LAD1: variants seen among roughly 807,000 people sequenced by gnomAD.
LAD1 encodes ladinin-1.
Under a neutral mutation model 54.2 loss-of-function variants are expected in LAD1, and 53 were observed. The ratio of observed to expected loss-of-function variants is 0.98; its 90% confidence interval spans 0.78 to 1.23. LAD1 has a LOEUF of 1.23. LAD1 is among the 50% of genes most tolerant of loss of function. The pLI is 0.00. For missense variants in LAD1, 637 were observed against 653.3 expected, an observed-to-expected ratio of 0.98 and a Z score of 0.27; for synonymous variants, 231 against 257.7, an observed-to-expected ratio of 0.90 and a Z score of 0.99.
intron 1 of LAD1, among the ~76,000 whole-genome samples, chr1:201,389,973 GCAGTGGCACAAT>G (rs1207934033): frequency 6.6e-6 from 1 of 151,930 alleles, no homozygotes; most frequent in Non-Finnish European, 1.5e-5. Flanking sequence ...AGATTGGAGT[GCAGTGGCACAAT>G]CACAGCTCAC....
chr1:201,396,541 TAGAC>T (rs1162049634), intron 1 of LAD1, among the ~76,000 whole-genome samples: 1 of 152,142 alleles, frequency 6.6e-6, no homozygotes, highest in African/African-American at 2.4e-5. Context: ...AATTGAATCA[TAGAC>T]AGAAGCCCAT....
Position 201,384,837 on chromosome 1 carries a change from T to C in LAD1, c.1132-2A>G, listed in dbSNP as rs1388723117. ...CGAGTTTTCTTTCTTGGGTTTCATC[T>C]GAAATGAGAAGGAAAGGCATTGTTG... On this transcript the variant is annotated splice_acceptor_variant, in intron 4 of 9. Transcript: ENST00000391967. LOFTEE classifies it high-confidence loss of function. 6.2e-7 allele frequency: 1 copy of C among 1,613,950 alleles called. No homozygotes were observed. The highest frequency in any genetic ancestry group is 2.2e-5 in the East Asian group (1 of 44,882).
In LAD1 at chr1:201,382,737, C is replaced by G. The variant is rs769957411; in HGVS notation, c.1389G>C (p.Glu463Asp). ...TCACAACCCCTGAGAGCCTCAAGTT[C>G]TCCTAAAAAGAGAACTTTCCATCTC... ...SRAEPASSRK[E>D]NLRLSGVVTS... Residue 463 changes from glutamate (E) to aspartate (D), a missense_variant and splice_region_variant, in exon 8 of 10, where the codon GAG (glutamate) becomes GAC (aspartate). Physicochemically the swap from Glu to Asp is conservative, Grantham distance 45. Coordinates refer to ENST00000391967, the MANE Select transcript of LAD1 (RefSeq NM_005558.4). 1.6e-5 allele frequency: 26 copies of G among 1,596,640 alleles called. No individual in the cohort carries two copies. In the Middle Eastern group the frequency reaches 7.1e-4, roughly 43 times the overall value.
At chr1:201,384,856 ATTG>A (rs765138841) in intron 4 of LAD1, 21 bp from the exon 5 acceptor site, 5 of 1,613,414 alleles carry the variant, frequency 3.1e-6, no homozygotes, top group Admixed American at 3.3e-5. Flanking sequence ...AAGGAAAGGC[ATTG>A]TTGTGTGGGA....
Position 201,385,810 on chromosome 1 carries a change from A to T in LAD1, c.1027-5T>A. On this transcript the variant is annotated splice_polypyrimidine_tract_variant and splice_region_variant and intron_variant, in intron 3 of 9. Coordinates refer to ENST00000391967, the MANE Select transcript of LAD1 (RefSeq NM_005558.4). Reference sequence around the variant, plus strand: ...CTCCTTGCTGGGGATTTTCACCTGGATGGAGCAGGGGGAGTGTCACATAAG... The same window carrying T: ...CTCCTTGCTGGGGATTTTCACCTGGTTGGAGCAGGGGGAGTGTCACATAAG... 1 of 1,608,526 alleles carries T rather than the reference A, an allele frequency of 6.2e-7. No homozygotes were observed. The highest frequency in any genetic ancestry group is 1.1e-5 in the South Asian group (1 of 90,934).
intron 2 of LAD1, among the ~76,000 whole-genome samples, chr1:201,387,924 G>A (rs144554599): frequency 3.4e-3 from 521 of 152,260 alleles, no homozygotes; most frequent in Non-Finnish European, 5.6e-3. Context: ...ACTTACTGTC[G>A]GAGCCTCAGT....
chr1:201,388,866 G>A (rs1166773471), intron 2 of LAD1, among the ~76,000 whole-genome samples: 2 of 152,104 alleles, frequency 1.3e-5, no homozygotes, highest in Admixed American at 6.5e-5. Context: ...CTGTAAAATG[G>A]GTTAACAATA....
At position 201,398,448 on chromosome 1, in the gene LAD1, C is replaced by A. The variant is rs1223808889; in HGVS notation, c.38+821G>T. 2.0e-5 allele frequency among the ~76,000 whole-genome samples: 3 copies of A among 152,186 alleles called. No individual in the cohort carries two copies. In the East Asian group the frequency reaches 5.8e-4, roughly 29 times the overall value. ...GTTTCCTTAGGGACAAGATGGGGGACGGGGGCGCCCAGTGGAGGAATGAGG... is the reference window on the plus strand; with the variant it reads ...GTTTCCTTAGGGACAAGATGGGGGAAGGGGGCGCCCAGTGGAGGAATGAGG... On this transcript the variant is annotated intron_variant, in intron 1 of 9. Transcript: ENST00000391967.
Position 201,381,818 on chromosome 1 carries a change from A to T in LAD1, c.*70T>A. On this transcript the variant is annotated 3_prime_UTR_variant, in exon 10 of 10. Transcript: ENST00000391967. Reference sequence around the variant, plus strand: ...AATGAGAGGAAAGGGTGCTGCTGTGAGAGGCAGGGGCCTGGCATGAGGGAG... The same window carrying T: ...AATGAGAGGAAAGGGTGCTGCTGTGTGAGGCAGGGGCCTGGCATGAGGGAG... 6.6e-7 allele frequency: 1 copy of T among 1,520,350 alleles called. No homozygotes were observed. Among genetic ancestry groups the T allele is most frequent in the Non-Finnish European group, 9.1e-7 (1 of 1,094,598 alleles). The allele number at this position is 1,520,350 out of a possible 1,614,324, so 94.2% of individuals were successfully genotyped here.
intron 5 of LAD1, chr1:201,383,595 C>T (rs953073296): frequency 3.2e-6 from 2 of 615,558 alleles, no homozygotes; most frequent in African/African-American, 3.7e-5. Context: ...CAAGAAACGT[C>T]CCATTCAATA....
In LAD1 at chr1:201,389,174, G is replaced by C. The variant is rs1394371757; in HGVS notation, c.168C>G (p.Ala56=). ...TGAGCACCTACCTCTCAGAAGCAGA[G>C]GCCTGCCGGTCTCCATTCTGGCTGA... is the stretch of plus-strand genomic sequence containing the variant. ...PRLSQNGDRQ[A]SASERLPSVE... The change falls in exon 2 of 10, where the codon GCC becomes GCG. Residue 56 remains alanine (A), a synonymous_variant. Coordinates refer to ENST00000391967, the MANE Select transcript of LAD1 (RefSeq NM_005558.4). 2 of 1,614,128 alleles carry C rather than the reference G, an allele frequency of 1.2e-6. No individual in the cohort carries two copies. The highest frequency in any genetic ancestry group is 3.3e-5 in the Admixed American group (2 of 60,024).
In LAD1 at chr1:201,381,491, C is replaced by G; in HGVS notation, c.*397G>C. 3 of 294,754 alleles carry G rather than the reference C, an allele frequency of 1.0e-5. No homozygotes were observed. The highest frequency in any genetic ancestry group is 9.7e-5 in the South Asian group (3 of 30,880). 18.3% of individuals were successfully genotyped at this position (294,754 alleles called of 1,614,324 possible). ...GGGGGACATCATAGACAAAGAGGCACTTGCTGGGAGCCGATGAGACAGGTG... is the reference window on the plus strand; with the variant it reads ...GGGGGACATCATAGACAAAGAGGCAGTTGCTGGGAGCCGATGAGACAGGTG... On this transcript the variant is annotated 3_prime_UTR_variant, in exon 10 of 10. Transcript: ENST00000391967.
At chr1:201,393,072 T>C (rs1662223880) in intron 1 of LAD1, among the ~76,000 whole-genome samples, 1 of 152,012 alleles carries the variant, frequency 6.6e-6, no homozygotes, top group South Asian at 2.1e-4. Context: ...ATTAATAACA[T>C]GGGGAAGACC....
At chr1:201,390,359 T>C (rs1391702853) in intron 1 of LAD1, among the ~76,000 whole-genome samples, 1 of 136,232 alleles carries the variant, frequency 7.3e-6, no homozygotes, top group East Asian at 2.1e-4. Flanking sequence ...ACCCTGTCTC[T>C]ACTAAAAATA....
In LAD1 at chr1:201,385,823, A is replaced by G. The variant is rs1331479338; in HGVS notation, c.1027-18T>C. The G allele has an allele frequency of 1.9e-6, 3 of 1,572,892 alleles. No homozygotes were observed. The highest frequency in any genetic ancestry group is 1.7e-5 in the Admixed American group (1 of 59,950). On this transcript the variant is annotated intron_variant, in intron 3 of 9. Transcript: ENST00000391967. ...ATTTTCACCTGGATGGAGCAGGGGG[A>G]GTGTCACATAAGAGGTCTAGGGCCC...
chr1:201,388,262 G>T (rs897756406), intron 2 of LAD1, among the ~76,000 whole-genome samples: 3 of 152,120 alleles, frequency 2.0e-5, no homozygotes, highest in Non-Finnish European at 4.4e-5. Context: ...ATGGTGGCAG[G>T]TGCCTTTAAT....
rs1269945455 is a variant in LAD1 at position 201,381,671 on chromosome 1, C to T, written c.*217G>A. The T allele has an allele frequency of 1.6e-6, 1 of 636,864 alleles. No homozygotes were observed. The highest frequency in any genetic ancestry group is 2.6e-5 in the Admixed American group (1 of 39,212). The allele number at this position is 636,864 out of a possible 1,614,324, so 39.5% of individuals were successfully genotyped here. A position where few individuals can be genotyped will look rare whatever the true frequency, so the allele number is the denominator to read the frequency against. On this transcript the variant is annotated 3_prime_UTR_variant, in exon 10 of 10. Coordinates refer to ENST00000391967, the MANE Select transcript of LAD1 (RefSeq NM_005558.4). ...GTCCCAGCATCTGTTGTGCCTGCCGCAGGGTGAGAAAGTCCCAGCCCCAAG... is the reference window on the plus strand; with the variant it reads ...GTCCCAGCATCTGTTGTGCCTGCCGTAGGGTGAGAAAGTCCCAGCCCCAAG...
Position 201,394,604 on chromosome 1 carries a change from T to C in LAD1, c.38+4665A>G, listed in dbSNP as rs114165805. ...CATCATTCATTCATCCTTCATTCACTACACACAAACAGATGCTCTCTTATA... is the reference window on the plus strand; with the variant it reads ...CATCATTCATTCATCCTTCATTCACCACACACAAACAGATGCTCTCTTATA... On this transcript the variant is annotated intron_variant, in intron 1 of 9. Transcript: ENST00000391967. Among the ~76,000 whole-genome samples, 125 of 152,372 alleles carry C rather than the reference T, an allele frequency of 8.2e-4. 1 individual carries two copies. Among genetic ancestry groups the C allele is most frequent in the African/African-American group, 2.9e-3 (122 of 41,586 alleles).
intron 1 of LAD1, among the ~76,000 whole-genome samples, chr1:201,391,886 T>G (rs896241127): frequency 6.6e-6 from 1 of 152,146 alleles, no homozygotes; most frequent in Non-Finnish European, 1.5e-5. Context: ...TTCTCTGTGG[T>G]TCCCCCTGCA....
Sources: allele counts gnomAD v4.1 joint callset (sites outside exome capture counted in the v4.1 genomes callset), GRCh38; gene constraint gnomAD v4.1.1; transcripts MANE v1.5; gene names NCBI Gene and HGNC (gene_info 2026-07-23, HGNC 2026-07-21).